The following RUBCN variants were observed in gnomAD, a reference collection of about 807,000 sequenced individuals.
The protein encoded by RUBCN is run domain Beclin-1-interacting and cysteine-rich domain-containing protein.
In RUBCN, 74 loss-of-function variants were observed where a neutral mutation model predicts 113.2. The ratio of observed to expected loss-of-function variants is 0.65; its 90% CI spans 0.54 to 0.79. RUBCN has a LOEUF of 0.79. RUBCN is among the 30% of genes least tolerant of loss of function. RUBCN has a pLI of 0.00. For synonymous variants in RUBCN, 480 were observed against 490.0 expected, an observed-to-expected ratio of 0.98 and a Z score of 0.27; for missense variants, 1,109 against 1,251.7, an observed-to-expected ratio of 0.89 and a Z score of 1.72.
chr3:197,681,107 G>A lies in RUBCN; in HGVS notation c.2430+22C>T. 2 of 1,511,372 alleles carry A rather than the reference G, an allele frequency of 1.3e-6. No homozygotes were observed. Among genetic ancestry groups the A allele is most frequent in the South Asian group, 1.1e-5 (1 of 88,968 alleles). The allele number at this position is 1,511,372 out of a possible 1,614,324, so 93.6% of individuals were successfully genotyped here. Reference sequence around the variant, plus strand: ...GGGAGGAGAAGGGCAAGACTCTAAGGTGGCCTTTTCCAAGGTCTTACCCGG... The same window carrying A: ...GGGAGGAGAAGGGCAAGACTCTAAGATGGCCTTTTCCAAGGTCTTACCCGG... On this transcript the variant is annotated intron_variant, in intron 16 of 19. Transcript: ENST00000296343. This position sits in a 1 kb window ranked among gnomAD's most constrained non-coding sequence, Gnocchi z 5.5.
Position 197,681,098 on chromosome 3 carries a change from G to C in RUBCN, c.2430+31C>G. ...GGGGATGAGGGGAGGAGAAGGGCAA[G>C]ACTCTAAGGTGGCCTTTTCCAAGGT... On this transcript the variant is annotated intron_variant, in intron 16 of 19. Transcript: ENST00000296343. The surrounding 1 kb of genome is among the most constrained non-coding windows in gnomAD (Gnocchi z 5.5). 1 of 1,445,538 alleles carries C rather than the reference G, an allele frequency of 6.9e-7. No individual in the cohort carries two copies. The highest frequency in any genetic ancestry group is 1.4e-5 in the African/African-American group (1 of 71,108). The allele number at this position is 1,445,538 out of a possible 1,614,324, so 89.5% of individuals were successfully genotyped here.
At chr3:197,727,672 C>T (rs1726909938) in intron 1 of RUBCN, among the ~76,000 whole-genome samples, 1 of 152,128 alleles carries the variant, frequency 6.6e-6, no homozygotes, top group African/African-American at 2.4e-5. Context: ...AGTAGGAAAG[C>T]TAGGAAGGAC....
chr3:197,688,374 G>A (rs771521025), intron 11 of RUBCN, among the ~76,000 whole-genome samples: 7 of 152,110 alleles, frequency 4.6e-5, no homozygotes, highest in South Asian at 2.1e-4. Flanking sequence ...CCAAAGTTCC[G>A]GGATGACAGG....
intron 1 of RUBCN, among the ~76,000 whole-genome samples, chr3:197,729,474 CG>C (rs1727166056): frequency 6.6e-6 from 1 of 151,994 alleles, no homozygotes; most frequent in Admixed American, 6.6e-5. Flanking sequence ...AGGATGGTCT[CG>C]ATCTCCTGAC....
At chr3:197,738,150 C>A (rs897365523), upstream of RUBCN, among the ~76,000 whole-genome samples, 4 of 152,224 alleles carry the variant, frequency 2.6e-5, no homozygotes, top group African/African-American at 9.6e-5. Flanking sequence ...AAACTTTCAA[C>A]TTTGCACAGG....
intron 1 of RUBCN, among the ~76,000 whole-genome samples, chr3:197,723,994 A>T (rs1447648939): frequency 2.0e-5 from 3 of 152,100 alleles, no homozygotes; most frequent in Non-Finnish European, 4.4e-5. Context: ...GCTACTCGAG[A>T]GGCTGAGGCA....
chr3:197,704,015 C>T (rs1479124784), intron 4 of RUBCN, among the ~76,000 whole-genome samples: 1 of 152,178 alleles, frequency 6.6e-6, no homozygotes, highest in Non-Finnish European at 1.5e-5. Context: ...GGTGGCTATT[C>T]TTACGGTTTG....
intron 1 of RUBCN, 128 bp downstream of exon 1, chr3:197,736,527 T>G (rs1451750602): frequency 5.5e-6 from 3 of 541,620 alleles, no homozygotes; most frequent in East Asian, 7.4e-5. Flanking sequence ...CCCAAACAAG[T>G]CCTCCGCAGC....
chr3:197,710,742 T>A (rs1288116569), intron 2 of RUBCN, among the ~76,000 whole-genome samples: 1 of 151,444 alleles, frequency 6.6e-6, no homozygotes, highest in Non-Finnish European at 1.5e-5. Context: ...AAAATAGGAA[T>A]AAAATAGGAA....
chr3:197,739,089 C>T (rs979578426), upstream of RUBCN, among the ~76,000 whole-genome samples: 2 of 151,596 alleles, frequency 1.3e-5, no homozygotes, highest in African/African-American at 2.4e-5. Flanking sequence ...TACAGGCATC[C>T]GCCACCACGC....
rs1027897549 is a variant in RUBCN at position 197,747,769 on chromosome 3, A to G, written c.-116+1500T>C. ...ATGACTTGTGCTTAGAGGATTTTAA[A>G]TATACTTTTCATACTCACTATTCTT... On this transcript the variant is annotated intron_variant, in intron 1 of 20. Transcript: ENST00000273582. 2.0e-5 allele frequency among the ~76,000 whole-genome samples: 3 copies of G among 152,296 alleles called. No individual in the cohort carries two copies. In the South Asian group the frequency reaches 6.2e-4, roughly 32 times the overall value.
In RUBCN at chr3:197,694,435, G is replaced by T; in HGVS notation, c.1624C>A (p.Arg542=). The T allele has an allele frequency of 6.2e-7, 1 of 1,614,192 alleles. No homozygotes were observed. Among genetic ancestry groups the T allele is most frequent in the Non-Finnish European group, 8.5e-7 (1 of 1,180,034 alleles). ...IQELKQKIRL[R]RQQIRTKNLL... ...TTCTTGGTGCGGATTTGCTGGCGCC[G>T]AAGGCGGATCTTCTGCTTCAGCTCC... The change falls in exon 10 of 20, where the codon CGG becomes AGG. Residue 542 remains arginine (R), a synonymous_variant. Coordinates refer to ENST00000296343, the MANE Select transcript of RUBCN (RefSeq NM_014687.4).
At position 197,672,500 on chromosome 3, in the gene RUBCN, A is replaced by T. The variant is rs1719889045; in HGVS notation, c.*2518T>A. On this transcript the variant is annotated 3_prime_UTR_variant, in exon 20 of 20. Transcript: ENST00000296343. ...TCAGAGTCACTAAAACAGACGCACG[A>T]TCTAAAGGGATGGGGTGCGGTTGAG... The T allele has an allele frequency of 2.0e-5, 3 of 152,226 alleles. No individual in the cohort carries two copies. The highest frequency in any genetic ancestry group is 7.2e-5 in the African/African-American group (3 of 41,446). 9.4% of individuals were successfully genotyped at this position (152,226 alleles called of 1,614,324 possible). A position where few individuals can be genotyped will look rare whatever the true frequency, so the allele number is the denominator to read the frequency against.
In RUBCN at chr3:197,747,161, T is replaced by C. The variant is rs114485417; in HGVS notation, c.-116+2108A>G. Among the ~76,000 whole-genome samples, 1,459 of 152,230 alleles carry C rather than the reference T, an allele frequency of 9.6e-3. 12 individuals are homozygous for C. Among genetic ancestry groups the C allele is most frequent in the African/African-American group, 0.033 (1,385 of 41,524 alleles). ...GGGTTGCTATTTTCTGTTTTGTGTATGAAAAGACCTGCCATTACCCACAAT... is the reference window on the plus strand; with the variant it reads ...GGGTTGCTATTTTCTGTTTTGTGTACGAAAAGACCTGCCATTACCCACAAT... On this transcript the variant is annotated intron_variant, in intron 1 of 20. Coordinates refer to the RUBCN transcript ENST00000273582.
chr3:197,677,581 G>A, intron 16 of RUBCN, 40 bp from the exon 17 acceptor site: 2 of 1,585,866 alleles, frequency 1.3e-6, no homozygotes, highest in Non-Finnish European at 8.7e-7. Flanking sequence ...GGAGGGAGAT[G>A]TGAGAAGAGG....
Position 197,676,868 on chromosome 3 carries a change from C to T in RUBCN, c.2646+17G>A. ...AAAGCAAGGGCTCAGCTGCATGCTA[C>T]AGTGAGACTTTCTCACCATGCATCT... On this transcript the variant is annotated intron_variant, in intron 18 of 19. Transcript: ENST00000296343. 6.2e-7 allele frequency: 1 copy of T among 1,614,166 alleles called. No individual in the cohort carries two copies. The highest frequency in any genetic ancestry group is 2.2e-5 in the East Asian group (1 of 44,884).
At chr3:197,706,801 G>A (rs1724348940) in intron 2 of RUBCN, among the ~76,000 whole-genome samples, 1 of 152,194 alleles carries the variant, frequency 6.6e-6, no homozygotes, top group Non-Finnish European at 1.5e-5. Context: ...TCAACAGTCA[G>A]AGGTGCTTCT....
chr3:197,701,952 A>G (rs2108907111), intron 5 of RUBCN, 88 bp from the exon 6 acceptor site: 1 of 1,253,036 alleles, frequency 8.0e-7, no homozygotes, highest in Non-Finnish European at 1.1e-6. Flanking sequence ...CAGAAATGCC[A>G]TAGAAGCTAC....
Position 197,674,505 on chromosome 3 carries a change from TC to T in RUBCN, c.*512del, listed in dbSNP as rs1309429036. 1 of 509,832 alleles carries T rather than the reference TC, an allele frequency of 2.0e-6. No homozygotes were observed. The highest frequency in any genetic ancestry group is 2.0e-5 in the African/African-American group (1 of 49,984). The allele number at this position is 509,832 out of a possible 1,614,324, so 31.6% of individuals were successfully genotyped here. On this transcript the variant is annotated 3_prime_UTR_variant, in exon 20 of 20. Coordinates refer to ENST00000296343, the MANE Select transcript of RUBCN (RefSeq NM_014687.4). ...AGTGGACGAAATGCCCATGACGTAG[TC>T]CTATTCTCTGCTGCTTCTCCTCGGG...
Sources: allele counts gnomAD v4.1 joint callset (sites outside exome capture counted in the v4.1 genomes callset), GRCh38; gene constraint gnomAD v4.1.1; non-coding constraint Gnocchi (gnomAD v3.1); transcripts MANE v1.5; gene names NCBI Gene and HGNC (gene_info 2026-07-23, HGNC 2026-07-21).